Variants in GRM7 observed in about 807,000 individuals in gnomAD.
GRM7 encodes metabotropic glutamate receptor 7.
A neutral mutation model predicts 84.5 loss-of-function variants in GRM7; 35 were observed. The ratio of observed to expected loss-of-function variants is 0.41; its 90% confidence interval spans 0.32 to 0.55. The LOEUF (loss-of-function observed/expected upper bound fraction) is 0.55, where lower values mean the gene tolerates loss of function less well. GRM7 is among the 20% of genes least tolerant of loss of function. The probability of loss-of-function intolerance (pLI) is 0.19; values close to 1 mark genes in which losing one functional copy is unlikely to be tolerated. For synonymous variants in GRM7, 487 were observed against 455.1 expected, an observed-to-expected ratio of 1.07 and a Z score of -0.89; for missense variants, 1,003 against 1,194.6, an observed-to-expected ratio of 0.84 and a Z score of 2.36.
chr3:7,514,984 A>G (rs960084133), intron 7 of GRM7, among the ~76,000 whole-genome samples: 1 of 152,048 alleles, frequency 6.6e-6, no homozygotes, highest in Non-Finnish European at 1.5e-5. Context: ...TAGTGCTTCA[A>G]ACAGAACTGG....
chr3:7,645,834 T>C (rs1334026917), intron 8 of GRM7, among the ~76,000 whole-genome samples: 1 of 152,120 alleles, frequency 6.6e-6, no homozygotes, highest in Non-Finnish European at 1.5e-5. Flanking sequence ...ACCCCAATTT[T>C]CCTTTCCATG....
intron 2 of GRM7, among the ~76,000 whole-genome samples, chr3:7,222,614 A>G (rs1231841777): frequency 3.3e-5 from 5 of 152,180 alleles, no homozygotes; most frequent in African/African-American, 9.7e-5. Flanking sequence ...CAGCAGAGAA[A>G]CTAGCTGAGC....
intron 4 of GRM7, among the ~76,000 whole-genome samples, chr3:7,325,605 G>T (rs1458117185): frequency 6.6e-6 from 1 of 152,148 alleles, no homozygotes; most frequent in African/African-American, 2.4e-5. Context: ...AGATATCCCA[G>T]CCTGGGAAAG....
chr3:7,412,949 T>A (rs1040285093), intron 4 of GRM7, among the ~76,000 whole-genome samples: 6 of 151,996 alleles, frequency 3.9e-5, no homozygotes, highest in African/African-American at 1.5e-4. Context: ...TTCTTGGCTC[T>A]AGTAGAAAGT....
At chr3:6,887,919 C>T (rs1695765890) in intron 1 of GRM7, among the ~76,000 whole-genome samples, 1 of 152,148 alleles carries the variant, frequency 6.6e-6, no homozygotes, top group Non-Finnish European at 1.5e-5. Flanking sequence ...TAATGATTGC[C>T]ATTCTAACTG....
intron 1 of GRM7, among the ~76,000 whole-genome samples, chr3:6,969,207 G>A (rs547201352): frequency 6.6e-6 from 1 of 152,086 alleles, no homozygotes; most frequent in South Asian, 2.1e-4. Context: ...CCCCATCAGG[G>A]CAGGTTAGGT....
At chr3:7,342,752 C>A (rs933205646) in intron 4 of GRM7, among the ~76,000 whole-genome samples, 1 of 152,120 alleles carries the variant, frequency 6.6e-6, no homozygotes, top group Non-Finnish European at 1.5e-5. Context: ...GGACCAGGTA[C>A]CACACTTTGA....
intron 7 of GRM7, among the ~76,000 whole-genome samples, chr3:7,568,911 G>A (rs568898009): frequency 5.9e-5 from 9 of 152,168 alleles, no homozygotes; most frequent in East Asian, 5.9e-4. Flanking sequence ...CCAGCCTCCC[G>A]GACGAGCGCC....
chr3:7,593,873 T>G (rs569915254), intron 8 of GRM7, among the ~76,000 whole-genome samples: 3 of 151,720 alleles, frequency 2.0e-5, no homozygotes, highest in African/African-American at 7.3e-5. Flanking sequence ...GGAGGCCAGA[T>G]AGAAGTTTCC....
chr3:7,511,799 C>T (rs66479323), intron 7 of GRM7, among the ~76,000 whole-genome samples: 13,660 of 152,138 alleles, frequency 0.09, 988 homozygotes, highest in African/African-American at 0.2. Context: ...ATCATATCAG[C>T]AGCATATGTC....
chr3:7,224,282 G>A (rs946842546), intron 2 of GRM7, among the ~76,000 whole-genome samples: 3 of 152,156 alleles, frequency 2.0e-5, no homozygotes, highest in Non-Finnish European at 4.4e-5. Context: ...AAGGAGAGAG[G>A]AGGCGAGGTG....
At chr3:7,051,626 G>A (rs1176971256) in intron 1 of GRM7, among the ~76,000 whole-genome samples, 1 of 151,714 alleles carries the variant, frequency 6.6e-6, no homozygotes, top group Admixed American at 6.6e-5. Flanking sequence ...AAAGGAATTG[G>A]TAACCAGGAT....
chr3:7,456,999 C>T (rs1172126712), intron 6 of GRM7, among the ~76,000 whole-genome samples: 4 of 152,080 alleles, frequency 2.6e-5, no homozygotes, highest in African/African-American at 9.7e-5. Flanking sequence ...AAATATTTGT[C>T]CAAGACTCCA....
rs376532426 is a variant in GRM7, at chr3:7,141,364, G to A, written c.520-5088G>A. Among the ~76,000 whole-genome samples, 8 of 151,982 alleles carry A rather than the reference G, an allele frequency of 5.3e-5. No homozygotes were observed. The East Asian group carries it at 9.7e-4, about 18-fold the overall frequency. On this transcript the variant is annotated intron_variant, in intron 1 of 9. Coordinates refer to ENST00000357716, the MANE Select transcript of GRM7 (RefSeq NM_000844.4). ...ATAATGCAATGAAAATAATTATTTA[G>A]AAACAAAGTTAAGGAATGTGCAAGG...
At chr3:7,306,225 T>C (rs1040423434) in intron 3 of GRM7, among the ~76,000 whole-genome samples, 2 of 152,228 alleles carry the variant, frequency 1.3e-5, no homozygotes, top group Non-Finnish European at 1.5e-5. Flanking sequence ...TTCTAACATA[T>C]GTAAATATGT....
intron 8 of GRM7, among the ~76,000 whole-genome samples, chr3:7,678,538 A>G (rs374748464): frequency 1.3e-5 from 2 of 152,212 alleles, no homozygotes; most frequent in South Asian, 4.1e-4. Flanking sequence ...GTGGAATGAC[A>G]TTAAAAGTCT....
chr3:7,591,204 A>T (rs1695764662), intron 8 of GRM7, among the ~76,000 whole-genome samples: 1 of 152,230 alleles, frequency 6.6e-6, no homozygotes, highest in Non-Finnish European at 1.5e-5. Context: ...GACAAAGCTA[A>T]TAGTCAAGGA....
intron 9 of GRM7, among the ~76,000 whole-genome samples, chr3:7,707,876 A>G (rs1701439230): frequency 6.7e-6 from 1 of 150,128 alleles, no homozygotes; most frequent in African/African-American, 2.5e-5. Flanking sequence ...CTTCATTCTT[A>G]TCAGAGTTCA....
rs539966298 is a variant in GRM7 at position 7,074,074 on chromosome 3, G to A, written c.520-72378G>A. Among the ~76,000 whole-genome samples, 511 of 152,136 alleles carry A rather than the reference G, an allele frequency of 3.4e-3. 2 individuals carry two copies. Among genetic ancestry groups the A allele is most frequent in the Non-Finnish European group, 5.3e-3 (357 of 67,990 alleles). On this transcript the variant is annotated intron_variant, in intron 1 of 9. Coordinates refer to ENST00000357716, the MANE Select transcript of GRM7 (RefSeq NM_000844.4). ...AGGATAAGAAAAGAGATATGAACAA[G>A]AATAAAATATTAATGTTTTTATATT...
Sources: gnomAD v4.1 joint callset for allele counts (sites outside exome capture counted in the v4.1 genomes callset) on GRCh38, gnomAD v4.1.1 for gene constraint, MANE v1.5 for transcripts, NCBI Gene and HGNC (gene_info 2026-07-23, HGNC 2026-07-21) for gene names.